Variants in LSM14A observed in about 807,000 individuals in gnomAD.
The protein encoded by LSM14A is protein LSM14 homolog A.
Under a neutral mutation model 52.4 loss-of-function variants are expected in LSM14A, and 14 were observed. That is an observed-to-expected ratio of 0.27 (90% CI 0.18 to 0.42). The LOEUF (loss-of-function observed/expected upper bound fraction) is 0.42. Among genes scored for constraint, LSM14A ranks in the 10% least tolerant of loss-of-function variants. The pLI, the probability that LSM14A is intolerant of heterozygous loss-of-function variation, is 1.00. For synonymous variants in LSM14A, 185 were observed against 200.3 expected, an observed-to-expected ratio of 0.92 and a Z score of 0.64; for missense variants, 417 against 581.8, an observed-to-expected ratio of 0.72 and a Z score of 2.91.
At chr19:34,225,595 T>C (rs972621005) in intron 9 of LSM14A, among the ~76,000 whole-genome samples, 9 of 152,152 alleles carry the variant, frequency 5.9e-5, no homozygotes, top group Non-Finnish European at 1.2e-4. Flanking sequence ...GATAAAATCA[T>C]AAAGTTTTAG....
intron 1 of LSM14A, among the ~76,000 whole-genome samples, chr19:34,192,220 T>G (rs936105494): frequency 3.3e-5 from 5 of 151,480 alleles, no homozygotes; most frequent in African/African-American, 1.2e-4. Context: ...CCAAACTACC[T>G]GTGCCACTGT....
intron 1 of LSM14A, among the ~76,000 whole-genome samples, chr19:34,192,632 C>CAAAAAAAAA (rs548374017): frequency 2.3e-4 from 18 of 76,944 alleles, no homozygotes; most frequent in South Asian, 1.2e-3. Context: ...ATCAGTTCTG[C>CAAAAAAAAA]AAAAAAAAAA....
At chr19:34,189,161 C>A (rs775437480) in intron 1 of LSM14A, among the ~76,000 whole-genome samples, 1 of 152,106 alleles carries the variant, frequency 6.6e-6, no homozygotes, top group Non-Finnish European at 1.5e-5. Flanking sequence ...TCATGATAAT[C>A]CCCAAAATAT....
intron 4 of LSM14A, among the ~76,000 whole-genome samples, chr19:34,212,334 T>C (rs1261390352): frequency 2.6e-5 from 4 of 152,120 alleles, no homozygotes; most frequent in African/African-American, 9.7e-5. Context: ...TAAAAGAATT[T>C]AGTAGATGAT....
At chr19:34,215,969 G>A (rs1568496783) in intron 6 of LSM14A, among the ~76,000 whole-genome samples, 4 of 152,092 alleles carry the variant, frequency 2.6e-5, no homozygotes, top group Admixed American at 6.6e-5. Context: ...TGCCTGTGTC[G>A]GTTTCTTGGT....
chr19:34,209,595 T>C (rs971156112), intron 4 of LSM14A, among the ~76,000 whole-genome samples: 11 of 152,218 alleles, frequency 7.2e-5, no homozygotes, highest in Admixed American at 6.5e-4. Flanking sequence ...AGGATTGTTT[T>C]ATTTCTTAAG....
At position 34,228,357 on chromosome 19, in the gene LSM14A, A is replaced by G. The variant is rs557754734; in HGVS notation, c.*969A>G. Reference sequence around the variant, plus strand: ...TCAGTATACAAATGTAAATAATCACAGATGAGAATGTACTTAGCTGTATTT... The same window carrying G: ...TCAGTATACAAATGTAAATAATCACGGATGAGAATGTACTTAGCTGTATTT... On this transcript the variant is annotated 3_prime_UTR_variant, in exon 10 of 10. Transcript: ENST00000544216. The G allele has an allele frequency of 4.3e-4, 65 of 152,818 alleles. No individual in the cohort carries two copies. Among genetic ancestry groups the G allele is most frequent in the African/African-American group, 1.5e-3 (61 of 41,590 alleles). The allele number at this position is 152,818 out of a possible 1,614,324, so 9.5% of individuals were successfully genotyped here.
chr19:34,227,525 G>T lies in LSM14A; in HGVS notation c.*137G>T. 3.2e-6 allele frequency: 2 copies of T among 633,674 alleles called. No homozygotes were observed. The highest frequency in any genetic ancestry group is 2.5e-5 in the South Asian group (1 of 40,622). The allele number at this position is 633,674 out of a possible 1,614,324, so 39.3% of individuals were successfully genotyped here. On this transcript the variant is annotated 3_prime_UTR_variant, in exon 10 of 10. Coordinates refer to ENST00000544216, the MANE Select transcript of LSM14A (RefSeq NM_015578.4). ...AGCACTGGGTTTTTGTTTTTTGTTT[G>T]TTTTTCCGCTTAATTTCAAAGATAA...
intron 3 of LSM14A, among the ~76,000 whole-genome samples, chr19:34,207,756 C>T (rs561869183): frequency 1.3e-5 from 2 of 152,224 alleles, no homozygotes; most frequent in South Asian, 4.1e-4. Flanking sequence ...GTCTTGAACT[C>T]CTGATCTCGT....
intron 4 of LSM14A, among the ~76,000 whole-genome samples, chr19:34,214,174 T>G (rs1265292408): frequency 1.3e-5 from 2 of 152,162 alleles, no homozygotes; most frequent in African/African-American, 2.4e-5. Flanking sequence ...GGGTTTTTTT[T>G]GTTTGTTTTT....
chr19:34,194,251 C>T (rs2070684007), intron 1 of LSM14A, among the ~76,000 whole-genome samples: 1 of 152,176 alleles, frequency 6.6e-6, no homozygotes, highest in Non-Finnish European at 1.5e-5. Flanking sequence ...ATAAGAGGAA[C>T]ACAACCTCAT....
In LSM14A at chr19:34,221,753, TAATA is replaced by T. The variant is rs772481836; in HGVS notation, c.1368+19_1368+22del. 39 of 1,587,152 alleles carry T rather than the reference TAATA, an allele frequency of 2.5e-5. 1 individual carries two copies. Among genetic ancestry groups the T allele is most frequent in the South Asian group, 1.2e-4 (11 of 89,956 alleles). On this transcript the variant is annotated intron_variant, in intron 9 of 9. Transcript: ENST00000544216. ...TTGAATATAGGGTAAGTGTTACTGTTAATAAATTCTTTGGGGTTGACATGCATTT... is the reference window on the plus strand; with the variant it reads ...TTGAATATAGGGTAAGTGTTACTGTTAATTCTTTGGGGTTGACATGCATTT...
At position 34,199,374 on chromosome 19, in the gene LSM14A, G is replaced by A. The variant is rs368627369; in HGVS notation, c.415+2611G>A. Among the ~76,000 whole-genome samples the A allele has an allele frequency of 2.9e-3, 447 of 152,174 alleles. 2 individuals are homozygous for A. Among genetic ancestry groups the A allele is most frequent in the Middle Eastern group, 0.01 (3 of 294 alleles). ...TCAAACTTGTGACCTTGAGTGATCCGCCCATCTTGGCCTCCAAAAGTGTTG... is the reference window on the plus strand; with the variant it reads ...TCAAACTTGTGACCTTGAGTGATCCACCCATCTTGGCCTCCAAAAGTGTTG... On this transcript the variant is annotated intron_variant, in intron 3 of 9. Coordinates refer to ENST00000544216, the MANE Select transcript of LSM14A (RefSeq NM_015578.4).
chr19:34,174,649 A>G (rs1467352026), intron 1 of LSM14A, among the ~76,000 whole-genome samples: 2 of 152,040 alleles, frequency 1.3e-5, no homozygotes, highest in Non-Finnish European at 2.9e-5. Flanking sequence ...TTTTGAATTT[A>G]TTTTTATATT....
intron 4 of LSM14A, 53 bp downstream of exon 4, chr19:34,209,104 T>G: frequency 6.8e-7 from 1 of 1,468,506 alleles, no homozygotes; most frequent in Non-Finnish European, 9.2e-7. Context: ...ATAGTGGTTT[T>G]TGTCTTTCTG....
chr19:34,210,121 GTCATT>G (rs1223491969), intron 4 of LSM14A, among the ~76,000 whole-genome samples: 2 of 152,040 alleles, frequency 1.3e-5, no homozygotes, highest in African/African-American at 4.8e-5. Context: ...ACAATGTTGA[GTCATT>G]TCAGAAAGAC....
Position 34,219,794 on chromosome 19 carries a change from C to G in LSM14A, c.1053C>G (p.Ala351=). Residue 351 remains alanine (A), a synonymous_variant, in exon 8 of 10, where the codon GCC becomes GCG. Transcript: ENST00000544216. ...GVDTQNSEGN[A]DEEDPLGPNC... ...ATACCCAAAACAGTGAAGGAAATGCCGATGAAGAAGATCCACTTGGACCTA... is the reference window on the plus strand; with the variant it reads ...ATACCCAAAACAGTGAAGGAAATGCGGATGAAGAAGATCCACTTGGACCTA... The G allele has an allele frequency of 6.2e-7, 1 of 1,613,072 alleles. No individual in the cohort carries two copies. Among genetic ancestry groups the G allele is most frequent in the Admixed American group, 1.7e-5 (1 of 60,006 alleles).
chr19:34,179,420 A>G (rs1426370584), intron 1 of LSM14A, among the ~76,000 whole-genome samples: 2 of 152,246 alleles, frequency 1.3e-5, no homozygotes, highest in Admixed American at 6.5e-5. Context: ...AAATCTAGCA[A>G]TTCACAAAAT....
At chr19:34,209,801 G>A (rs1392979523) in intron 4 of LSM14A, among the ~76,000 whole-genome samples, 1 of 150,786 alleles carries the variant, frequency 6.6e-6, no homozygotes, top group Non-Finnish European at 1.5e-5. Context: ...CCTCCCCAAA[G>A]TGTTGGGATG....
Sources: gnomAD v4.1 joint callset for allele counts (sites outside exome capture counted in the v4.1 genomes callset) on GRCh38, gnomAD v4.1.1 for gene constraint, MANE v1.5 for transcripts, NCBI Gene and HGNC (gene_info 2026-07-23, HGNC 2026-07-21) for gene names.